The following ANO10 variants were observed in gnomAD, a reference collection of about 807,000 sequenced individuals.
ANO10 encodes anoctamin 10, also known as anoctamin-10.
In ANO10, 77 loss-of-function variants were observed where a neutral mutation model predicts 74.7. The observed-to-expected ratio is 1.03, with a 90% CI of 0.86 to 1.25. The LOEUF (loss-of-function observed/expected upper bound fraction) is 1.25, where lower values mean the gene tolerates loss of function less well. ANO10 is among the 50% of genes most tolerant of loss of function. The pLI is 0.00. For missense variants in ANO10, 721 were observed against 778.1 expected (o/e 0.93, Z 0.87); for synonymous variants, 279 against 284.9 (o/e 0.98, Z 0.21).
chr3:43,522,124 G>A (rs902875785), intron 11 of ANO10, among the ~76,000 whole-genome samples: 1 of 152,094 alleles, frequency 6.6e-6, no homozygotes, highest in Admixed American at 6.6e-5. Context: ...TAAAGCAGAA[G>A]TTGCCAGGGA....
chr3:43,408,585 C>T (rs2092616232), intron 12 of ANO10, among the ~76,000 whole-genome samples: 1 of 152,216 alleles, frequency 6.6e-6, no homozygotes, highest in African/African-American at 2.4e-5. Flanking sequence ...AACCTGCGAT[C>T]TGAAACCTGG....
intron 12 of ANO10, among the ~76,000 whole-genome samples, chr3:43,392,649 G>A (rs2092299648): frequency 1.3e-5 from 2 of 152,110 alleles, no homozygotes; most frequent in Admixed American, 6.5e-5. Context: ...CCTAGAATTC[G>A]GCTATTGCCC....
intron 12 of ANO10, among the ~76,000 whole-genome samples, chr3:43,418,503 A>G (rs1233346666): frequency 6.6e-6 from 1 of 152,152 alleles, no homozygotes; most frequent in Admixed American, 6.5e-5. Flanking sequence ...TTCTTTTTCC[A>G]TTTTATTATA....
intron 11 of ANO10, among the ~76,000 whole-genome samples, chr3:43,451,663 C>T (rs1409048543): frequency 6.6e-6 from 1 of 152,078 alleles, no homozygotes; most frequent in African/African-American, 2.4e-5. Flanking sequence ...AAAAGAAATA[C>T]AAGACAATTT....
chr3:43,370,981 C>T (rs187003597), intron 12 of ANO10, among the ~76,000 whole-genome samples: 34 of 152,284 alleles, frequency 2.2e-4, no homozygotes, highest in Admixed American at 1.4e-3. Context: ...CCATGGTGGA[C>T]ACCACGGACC....
At chr3:43,564,408 T>TA (rs112467503) in intron 8 of ANO10, among the ~76,000 whole-genome samples, 5,570 of 148,962 alleles carry the variant, frequency 0.037, 230 homozygotes, top group African/African-American at 0.11. Flanking sequence ...TATGTATTAT[T>TA]AAAAAAAAAA....
chr3:43,396,071 T>A (rs35939127), intron 12 of ANO10, among the ~76,000 whole-genome samples: 28,614 of 150,578 alleles, frequency 0.19, 3,190 homozygotes, highest in Middle Eastern at 0.36. Flanking sequence ...TTAATTTATT[T>A]ATTTATTTTT....
intron 8 of ANO10, among the ~76,000 whole-genome samples, chr3:43,565,303 C>T (rs1408703342): frequency 2.6e-5 from 4 of 152,082 alleles, no homozygotes; most frequent in Admixed American, 6.6e-5. Flanking sequence ...ATTAAATTTG[C>T]GAGACCTAAG....
chr3:43,574,886 G>C, intron 6 of ANO10, 22 bp from the exon 7 acceptor site: 2 of 1,607,298 alleles, frequency 1.2e-6, no homozygotes, highest in Non-Finnish European at 1.7e-6. Flanking sequence ...AAACACACAG[G>C]TAACTTCTCA....
intron 4 of ANO10, among the ~76,000 whole-genome samples, chr3:43,583,180 A>C (rs1481126058): frequency 6.6e-6 from 1 of 152,158 alleles, no homozygotes; most frequent in Non-Finnish European, 1.5e-5. Flanking sequence ...TCTTCTCTTC[A>C]TCAGTGCCAA....
intron 8 of ANO10, among the ~76,000 whole-genome samples, chr3:43,562,580 C>T (rs1452896023): frequency 2.6e-5 from 4 of 151,314 alleles, no homozygotes; most frequent in Non-Finnish European, 5.9e-5. Flanking sequence ...ACTTGGGAGG[C>T]TGAGGTACAA....
intron 1 of ANO10, among the ~76,000 whole-genome samples, chr3:43,643,036 CTTTTT>C (rs537354306): frequency 1.2e-4 from 17 of 142,838 alleles, no homozygotes; most frequent in African/African-American, 4.4e-4. Flanking sequence ...TTTCTTTTTT[CTTTTT>C]TTTTTTTTGA....
At chr3:43,555,178 C>T in intron 10 of ANO10, 100 bp downstream of exon 10, 1 of 1,254,464 alleles carries the variant, frequency 8.0e-7, no homozygotes, top group Non-Finnish European at 1.1e-6. Flanking sequence ...TTCAGTTTTC[C>T]TAAATCTCTC....
At chr3:43,685,048 T>C (rs1347991738) in intron 1 of ANO10, among the ~76,000 whole-genome samples, 1 of 152,214 alleles carries the variant, frequency 6.6e-6, no homozygotes, top group African/African-American at 2.4e-5. Context: ...AACCTGCACG[T>C]TGTGCACATG....
intron 12 of ANO10, among the ~76,000 whole-genome samples, chr3:43,421,582 T>C (rs933962234): frequency 4.6e-5 from 7 of 152,012 alleles, no homozygotes; most frequent in Admixed American, 4.6e-4. Flanking sequence ...CCCAGCACTT[T>C]AGGAGGCCCA....
At chr3:43,431,388 CAAGTA>C (rs1470599678) in intron 12 of ANO10, among the ~76,000 whole-genome samples, 1 of 151,768 alleles carries the variant, frequency 6.6e-6, no homozygotes, top group African/African-American at 2.4e-5. Context: ...CTCTGATTTT[CAAGTA>C]ATGATAATCT....
chr3:43,601,953 G>A (rs1011698311), intron 2 of ANO10, among the ~76,000 whole-genome samples: 2 of 152,178 alleles, frequency 1.3e-5, no homozygotes, highest in Non-Finnish European at 2.9e-5. Flanking sequence ...CCTTCCCCCA[G>A]CTGCTTCCAG....
At chr3:43,648,800 C>G (rs2083754647) in intron 1 of ANO10, among the ~76,000 whole-genome samples, 2 of 151,862 alleles carry the variant, frequency 1.3e-5, no homozygotes, top group Admixed American at 1.3e-4. Context: ...CCTCAGCCTC[C>G]CGAGTAGCTG....
intron 11 of ANO10, among the ~76,000 whole-genome samples, chr3:43,448,681 T>C (rs1008239479): frequency 2.0e-5 from 3 of 152,196 alleles, no homozygotes; most frequent in Admixed American, 2.0e-4. Flanking sequence ...TGTATGGACA[T>C]AAGTTTTCAA....
Sources: gnomAD v4.1 joint callset for allele counts (sites outside exome capture counted in the v4.1 genomes callset) on GRCh38, gnomAD v4.1.1 for gene constraint, MANE v1.5 for transcripts, NCBI Gene and HGNC (gene_info 2026-07-23, HGNC 2026-07-21) for gene names.